CACNG1: variants seen among roughly 807,000 people sequenced by gnomAD.
CACNG1 encodes the protein voltage-dependent calcium channel gamma-1 subunit.
In CACNG1, 21 loss-of-function variants were observed where a neutral mutation model predicts 22.0. The observed-to-expected ratio is 0.95, with a 90% CI of 0.68 to 1.37. The LOEUF (loss-of-function observed/expected upper bound fraction) is 1.37, where lower values mean the gene tolerates loss of function less well. CACNG1 is among the 40% of genes most tolerant of loss of function. The pLI is 0.00. For synonymous variants in CACNG1, 127 were observed against 129.2 expected (o/e 0.98, Z 0.12); for missense variants, 291 against 308.6 (o/e 0.94, Z 0.43).
rs761507529 is a variant in CACNG1, at chr17:67,056,185, G to A, written c.583G>A (p.Gly195Ser). The A allele has an allele frequency of 2.8e-5, 45 of 1,613,716 alleles. 1 individual carries two copies. Among genetic ancestry groups the A allele is most frequent in the Middle Eastern group, 1.6e-4 (1 of 6,084 alleles). ...TGCCGCCTTCATCCTCCTCTTTCTC[G>A]GCGGTCTCGCCCTCCTGCTGTTCTC... is the stretch of plus-strand genomic sequence containing the variant. ...ACAAFILLFL[G>S]GLALLLFSLP... Residue 195 changes from glycine to serine, a missense_variant, in exon 4 of 4, where the codon GGC becomes AGC. By Grantham distance (56) the Gly-to-Ser change is moderately conservative. Transcript: ENST00000226021. This position sits in a 1 kb window ranked among gnomAD's most constrained non-coding sequence, Gnocchi z 4.3.
Position 67,055,279 on chromosome 17 carries a change from ACC to A in CACNG1, c.442+40_442+41del. 1 of 1,592,748 alleles carries A rather than the reference ACC, an allele frequency of 6.3e-7. No individual in the cohort carries two copies. Among genetic ancestry groups the A allele is most frequent in the African/African-American group, 1.3e-5 (1 of 74,654 alleles). On this transcript the variant is annotated intron_variant, in intron 3 of 3. Transcript: ENST00000226021. The surrounding 1 kb of genome is among the most constrained non-coding windows in gnomAD (Gnocchi z 4.5). ...TCTGCCTGAGCGCCGGGGCCGGGGG[ACC>A]ATGTCGCGGGGGATTCTCCGCTCCA... is the stretch of plus-strand genomic sequence containing the variant.
rs533382986 is a variant in CACNG1, at chr17:67,044,838, C to T, written c.178C>T (p.Arg60Cys). Residue 60 changes from arginine (R) to cysteine (C), a missense_variant, in exon 1 of 4, where the codon CGC becomes TGC. Transcript: ENST00000226021. The surrounding 1 kb of genome is among the most constrained non-coding windows in gnomAD (Gnocchi z 6.9). ...HFGLWRICTK[R>C]IPMDDSKTCG... is the part of the protein sequence containing the mutation. ...CGGCCTCTGGCGGATTTGTACCAAG[C>T]GCATCCCCATGGACGACAGCAAGAC... 20 of 1,613,444 alleles carry T rather than the reference C, an allele frequency of 1.2e-5. No individual in the cohort carries two copies. The highest frequency in any genetic ancestry group is 3.3e-5 in the South Asian group (3 of 91,086).
chr17:67,053,559 G>A (rs1344497675), intron 1 of CACNG1, among the ~76,000 whole-genome samples: 2 of 152,230 alleles, frequency 1.3e-5, no homozygotes, highest in Non-Finnish European at 2.9e-5. Flanking sequence ...GGTGCCAGGT[G>A]TACCCCTCTC....
intron 1 of CACNG1, 33 bp from the exon 2 acceptor site, chr17:67,053,963 C>T: frequency 6.4e-7 from 1 of 1,570,588 alleles, no homozygotes; most frequent in Non-Finnish European, 8.8e-7. Flanking sequence ...CGGGTTGCTC[C>T]CCTCAACTCA....
chr17:67,045,341 T>C (rs2035690309), intron 1 of CACNG1, among the ~76,000 whole-genome samples: 3 of 152,156 alleles, frequency 2.0e-5, no homozygotes, highest in Non-Finnish European at 4.4e-5. Context: ...TGCAGGGTCC[T>C]GTGCAGAATG....
chr17:67,051,001 G>A (rs556734786), intron 1 of CACNG1, among the ~76,000 whole-genome samples: 5 of 152,274 alleles, frequency 3.3e-5, no homozygotes, highest in South Asian at 4.2e-4. Flanking sequence ...TGACTTAGTC[G>A]GAAGCAAAGC....
intron 1 of CACNG1, among the ~76,000 whole-genome samples, chr17:67,046,939 C>T (rs2035700855): frequency 6.6e-6 from 1 of 152,202 alleles, no homozygotes. Flanking sequence ...ACCTCCCACA[C>T]TTGTGACACT....
rs2143422154 is a variant in CACNG1 at position 67,055,723 on chromosome 17, G to A, written c.443-322G>A. Among the ~76,000 whole-genome samples, 1 of 152,026 alleles carries A rather than the reference G, an allele frequency of 6.6e-6. No individual in the cohort carries two copies. Among genetic ancestry groups the A allele is most frequent in the East Asian group, 1.9e-4 (1 of 5,160 alleles). On this transcript the variant is annotated intron_variant, in intron 3 of 3. Coordinates refer to ENST00000226021, the MANE Select transcript of CACNG1 (RefSeq NM_000727.4). This position sits in a 1 kb window ranked among gnomAD's most constrained non-coding sequence, Gnocchi z 4.5. ...TCATTGTATTTTAATTTTTTGTAGA[G>A]ACGGAGGGCTCATCACTATGTTGCC...
chr17:67,048,308 C>CAAA (rs377751953), intron 1 of CACNG1, among the ~76,000 whole-genome samples: 3 of 110,418 alleles, frequency 2.7e-5, no homozygotes, highest in Non-Finnish European at 5.5e-5. Context: ...CTGTCCCTAC[C>CAAA]AAAAAAAAAA....
rs2035684421 is a variant in CACNG1, at chr17:67,044,696, C to T, written c.36C>T (p.Thr12=). 1 of 1,610,084 alleles carries T rather than the reference C, an allele frequency of 6.2e-7. No homozygotes were observed. Among genetic ancestry groups the T allele is most frequent in the African/African-American group, 1.3e-5 (1 of 74,934 alleles). ...CCAAAATGCTGAAGGTCCGCGTGAC[C>T]CTCTTCTGCATCCTGGCAGGCATCG... is the stretch of plus-strand genomic sequence containing the variant. The part of the protein sequence containing the change: ...SQTKMLKVRV[T]LFCILAGIVL... Residue 12 remains threonine (T), a synonymous_variant, in exon 1 of 4, where the codon ACC becomes ACT. Coordinates refer to ENST00000226021, the MANE Select transcript of CACNG1 (RefSeq NM_000727.4). This position sits in a 1 kb window ranked among gnomAD's most constrained non-coding sequence, Gnocchi z 6.9.
At chr17:67,053,684 T>G (rs1258858924) in intron 1 of CACNG1, among the ~76,000 whole-genome samples, 1 of 152,182 alleles carries the variant, frequency 6.6e-6, no homozygotes, top group Non-Finnish European at 1.5e-5. Flanking sequence ...CCCTGAAAAA[T>G]GGCTTGAGCC....
At chr17:67,048,964 G>T (rs1052744205) in intron 1 of CACNG1, among the ~76,000 whole-genome samples, 1 of 152,170 alleles carries the variant, frequency 6.6e-6, no homozygotes, top group Non-Finnish European at 1.5e-5. Flanking sequence ...GGGAGTCCCA[G>T]AAGGAGAGGG....
intron 1 of CACNG1, among the ~76,000 whole-genome samples, chr17:67,049,635 C>G (rs965426866): frequency 6.6e-6 from 1 of 152,110 alleles, no homozygotes; most frequent in African/African-American, 2.4e-5. Flanking sequence ...ATAGCCTTCC[C>G]CAGGCTAACC....
intron 1 of CACNG1, 115 bp downstream of exon 1, chr17:67,045,004 G>A (rs1334498753): frequency 1.6e-5 from 13 of 794,760 alleles, no homozygotes; most frequent in Non-Finnish European, 2.6e-5. Context: ...TAGGGCAGCC[G>A]CCCAGCCTTT....
At chr17:67,046,667 G>GGCAGT (rs2035699181) in intron 1 of CACNG1, among the ~76,000 whole-genome samples, 1 of 152,120 alleles carries the variant, frequency 6.6e-6, no homozygotes, top group South Asian at 2.1e-4. Flanking sequence ...GGCAGGGCAG[G>GGCAGT]GCAGGGCAGG....
At position 67,055,426 on chromosome 17, in the gene CACNG1, C is replaced by T. The variant is rs528510949; in HGVS notation, c.442+186C>T. 1.3e-5 allele frequency among the ~76,000 whole-genome samples: 2 copies of T among 152,302 alleles called. No homozygotes were observed. Among genetic ancestry groups the T allele is most frequent in the African/African-American group, 2.4e-5 (1 of 41,564 alleles). On this transcript the variant is annotated intron_variant, in intron 3 of 3. Coordinates refer to ENST00000226021, the MANE Select transcript of CACNG1 (RefSeq NM_000727.4). This position sits in a 1 kb window ranked among gnomAD's most constrained non-coding sequence, Gnocchi z 4.5. ...TGGGTTGGAGGGAGACAGAGCTTGG[C>T]GGTTTGTCCATTCCTCTCCACGACT...
At chr17:67,051,679 C>T (rs530793204) in intron 1 of CACNG1, among the ~76,000 whole-genome samples, 11 of 152,334 alleles carry the variant, frequency 7.2e-5, no homozygotes, top group Admixed American at 1.3e-4. Context: ...AAAAGCATCC[C>T]CCCAGAAGCT....
Position 67,054,043 on chromosome 17 carries a change from G to A in CACNG1, c.277G>A (p.Glu93Lys). 6.2e-7 allele frequency: 1 copy of A among 1,614,174 alleles called. No homozygotes were observed. Among genetic ancestry groups the A allele is most frequent in the African/African-American group, 1.3e-5 (1 of 75,054 alleles). The change falls in exon 2 of 4, where the codon GAG becomes AAG. Residue 93 changes from glutamate to lysine, a missense_variant. Physicochemically the swap from Glu to Lys is moderately conservative, Grantham distance 56 (BLOSUM62 1). Transcript: ENST00000226021. This position sits in a 1 kb window ranked among gnomAD's most constrained non-coding sequence, Gnocchi z 4.6. ...FRHFNPGESS[E>K]IFEFTTQKEY... ...GCATTTTAACCCCGGCGAGAGCTCG[G>A]AGATCTTCGAATTCACCACTCAGAA... is the stretch of plus-strand genomic sequence containing the variant.
Position 67,055,448 on chromosome 17 carries a change from G to A in CACNG1, c.442+208G>A, listed in dbSNP as rs1295095053. On this transcript the variant is annotated intron_variant, in intron 3 of 3. Coordinates refer to ENST00000226021, the MANE Select transcript of CACNG1 (RefSeq NM_000727.4). The surrounding 1 kb of genome is among the most constrained non-coding windows in gnomAD (Gnocchi z 4.5). ...TGGCGGTTTGTCCATTCCTCTCCAC[G>A]ACTCAACCCTCAAGGCCCCAAAGAA... Among the ~76,000 whole-genome samples, 4 of 152,282 alleles carry A rather than the reference G, an allele frequency of 2.6e-5. No individual in the cohort carries two copies. The highest frequency in any genetic ancestry group is 1.9e-4 in the East Asian group (1 of 5,176).
Sources: gnomAD v4.1 joint callset for allele counts (sites outside exome capture counted in the v4.1 genomes callset) on GRCh38, gnomAD v4.1.1 for gene constraint, Gnocchi (gnomAD v3.1) non-coding constraint, MANE v1.5 for transcripts, NCBI Gene and HGNC (gene_info 2026-07-23, HGNC 2026-07-21) for gene names.